Variants in WWC2 observed in about 807,000 individuals in gnomAD.
WWC2 encodes the protein protein WWC2.
A neutral mutation model predicts 138.5 loss-of-function variants in WWC2; 101 were observed. That is an observed-to-expected ratio of 0.73 (90% CI 0.62 to 0.86). WWC2 has a LOEUF of 0.86. Among genes scored for constraint, WWC2 ranks in the 40% least tolerant of loss-of-function variants. The pLI, the probability that WWC2 is intolerant of heterozygous loss-of-function variation, is 0.00. For synonymous variants in WWC2, 558 were observed against 538.4 expected, an observed-to-expected ratio of 1.04 and a Z score of -0.50; for missense variants, 1,420 against 1,419.4, an observed-to-expected ratio of 1.00 and a Z score of -0.01.
At chr4:183,256,727 C>G (rs978991879) in intron 9 of WWC2, among the ~76,000 whole-genome samples, 34 of 152,144 alleles carry the variant, frequency 2.2e-4, no homozygotes, top group Non-Finnish European at 2.6e-4. Flanking sequence ...TCAAAGCTAC[C>G]TGCCGTATTC....
chr4:183,264,315 C>T (rs1737425259), intron 11 of WWC2, among the ~76,000 whole-genome samples: 3 of 152,186 alleles, frequency 2.0e-5, no homozygotes, highest in Admixed American at 2.0e-4. Flanking sequence ...GCTTGCAGCT[C>T]ATTACAGTAC....
At chr4:183,151,947 A>C (rs1338593954) in intron 1 of WWC2, among the ~76,000 whole-genome samples, 1 of 149,836 alleles carries the variant, frequency 6.7e-6, no homozygotes, top group Non-Finnish European at 1.5e-5. Context: ...ACAATTTAAA[A>C]AATTACATTT....
chr4:183,269,571 C>G, intron 15 of WWC2: 1 of 464,746 alleles, frequency 2.2e-6, no homozygotes, highest in Non-Finnish European at 4.5e-6. Context: ...GGATGATTAT[C>G]CACTATTTTC....
At chr4:183,206,231 C>G (rs1355851483) in intron 2 of WWC2, among the ~76,000 whole-genome samples, 1 of 152,110 alleles carries the variant, frequency 6.6e-6, no homozygotes. Flanking sequence ...ATTTTATCTT[C>G]TAGTTACAGT....
chr4:183,249,632 C>G (rs1476497701), intron 7 of WWC2, among the ~76,000 whole-genome samples: 1 of 152,142 alleles, frequency 6.6e-6, no homozygotes, highest in East Asian at 1.9e-4. Flanking sequence ...CTCTGAGATA[C>G]CAGACACATT....
intron 1 of WWC2, among the ~76,000 whole-genome samples, chr4:183,145,331 T>C (rs1417850297): frequency 1.3e-5 from 2 of 151,070 alleles, no homozygotes; most frequent in Non-Finnish European, 2.9e-5. Context: ...TGAAAGTATA[T>C]TTAGAAGGAT....
At position 183,316,926 on chromosome 4, in the gene WWC2, C is replaced by T. The variant is rs1377068003; in HGVS notation, c.*1197C>T. On this transcript the variant is annotated 3_prime_UTR_variant, in exon 23 of 23. Transcript: ENST00000403733. Reference sequence around the variant, plus strand: ...GGATGAACAAGTTTAGAGAGATAAACTGACTAATGTGTCCTCCAGTTTAGA... The same window carrying T: ...GGATGAACAAGTTTAGAGAGATAAATTGACTAATGTGTCCTCCAGTTTAGA... 1.3e-5 allele frequency: 2 copies of T among 152,146 alleles called. No homozygotes were observed. The highest frequency in any genetic ancestry group is 1.3e-4 in the Admixed American group (2 of 15,276). The allele number at this position is 152,146 out of a possible 1,614,324, so 9.4% of individuals were successfully genotyped here. A position where few individuals can be genotyped will look rare whatever the true frequency, so the allele number is the denominator to read the frequency against.
chr4:183,315,702 C>T lies in WWC2; in HGVS notation c.3552C>T (p.Ile1184=), dbSNP rs113695969. The T allele has an allele frequency of 6.2e-6, 10 of 1,613,418 alleles. No homozygotes were observed. The African/African-American group carries it at 6.7e-5, about 11-fold the overall frequency. Residue 1184 remains isoleucine, a synonymous_variant, in exon 23 of 23, where the codon ATC becomes ATT. Coordinates refer to ENST00000403733, the MANE Select transcript of WWC2 (RefSeq NM_024949.6). ...ACTTCACCAGAGCAAAGATAAGCAT[C>T]CCATCCCTGCCAGCTGATGATGTGT... ...IAYFTRAKIS[I]PSLPADDV
intron 4 of WWC2, among the ~76,000 whole-genome samples, chr4:183,216,484 C>T (rs1735761159): frequency 6.6e-6 from 1 of 152,216 alleles, no homozygotes; most frequent in African/African-American, 2.4e-5. Flanking sequence ...ATCCAGCTTA[C>T]TTCTGTTTCT....
chr4:183,291,744 A>G (rs1241037415), intron 21 of WWC2, among the ~76,000 whole-genome samples: 1 of 152,204 alleles, frequency 6.6e-6, no homozygotes, highest in South Asian at 2.1e-4. Flanking sequence ...AGTTTCATCC[A>G]TAAATTGCAT....
intron 21 of WWC2, among the ~76,000 whole-genome samples, chr4:183,306,008 T>C (rs75618028): frequency 0.031 from 4,723 of 152,258 alleles, 244 homozygotes; most frequent in African/African-American, 0.11. Context: ...TGAGGGATAT[T>C]TTGTTATTAT....
At chr4:183,190,204 C>T (rs1734952124) in intron 1 of WWC2, among the ~76,000 whole-genome samples, 1 of 152,072 alleles carries the variant, frequency 6.6e-6, no homozygotes, top group African/African-American at 2.4e-5. Flanking sequence ...TGCAGGGAAC[C>T]AACCAAAAAC....
intron 4 of WWC2, among the ~76,000 whole-genome samples, chr4:183,215,105 A>T (rs1047255694): frequency 1.3e-5 from 2 of 152,210 alleles, no homozygotes; most frequent in Admixed American, 6.5e-5. Context: ...AACCCATTGT[A>T]TACTGTTTTC....
intron 1 of WWC2, among the ~76,000 whole-genome samples, chr4:183,153,979 A>C (rs189828151): frequency 5.3e-5 from 7 of 132,608 alleles, no homozygotes; most frequent in Admixed American, 2.5e-4. Flanking sequence ...CTCTTTTAAC[A>C]GTGAATTGCT....
intron 1 of WWC2, among the ~76,000 whole-genome samples, chr4:183,114,784 G>C (rs890464536): frequency 6.6e-6 from 1 of 151,958 alleles, no homozygotes; most frequent in Admixed American, 6.6e-5. Flanking sequence ...CATCACCCAG[G>C]TAATAAACAT....
chr4:183,153,645 C>CTTT lies in WWC2; in HGVS notation c.132-39939_132-39937dup, dbSNP rs397964355. Among the ~76,000 whole-genome samples the CTTT allele has an allele frequency of 2.2e-3, 284 of 129,040 alleles. 2 individuals are homozygous for CTTT. The highest frequency in any genetic ancestry group is 8.1e-3 in the African/African-American group (272 of 33,634). The allele number at this position is 129,040 out of a possible 152,430, so 84.7% of individuals were successfully genotyped here. On this transcript the variant is annotated intron_variant, in intron 1 of 22. Coordinates refer to ENST00000403733, the MANE Select transcript of WWC2 (RefSeq NM_024949.6). ...TAAACATTATTGCCCTAGAAGTAGT[C>CTTT]TTTTTTTTTTTTTTTTTGGTAAGAC...
At chr4:183,280,928 G>A (rs759328719) in intron 17 of WWC2, 31 bp downstream of exon 17, 1 of 1,539,806 alleles carries the variant, frequency 6.5e-7, no homozygotes, top group South Asian at 1.2e-5. Context: ...GCTGTTGGGA[G>A]CTCAAAGATG....
In WWC2 at chr4:183,282,845, G is replaced by A. The variant is rs202049423; in HGVS notation, c.2822G>A (p.Arg941Lys). Residue 941 changes from arginine (R) to lysine (K), a missense_variant, in exon 18 of 23, where the codon AGG becomes AAG. Transcript: ENST00000403733. ...SVPEMNEDGNRKESNCAKDLR... is the reference protein window; with the variant it reads ...SVPEMNEDGNKKESNCAKDLR... ...CCTGAGATGAATGAAGACGGGAACA[G>A]GAAAGAAAGCAACTGTGCCAAAGAC... 6.3e-7 allele frequency: 1 copy of A among 1,592,598 alleles called. No individual in the cohort carries two copies. Among genetic ancestry groups the A allele is most frequent in the East Asian group, 2.3e-5 (1 of 44,066 alleles).
intron 1 of WWC2, among the ~76,000 whole-genome samples, chr4:183,182,443 C>T (rs940732078): frequency 2.0e-5 from 3 of 152,204 alleles, no homozygotes; most frequent in Admixed American, 2.0e-4. Flanking sequence ...CTCTACCTCT[C>T]TCAAACACTC....
Sources: allele counts gnomAD v4.1 joint callset (sites outside exome capture counted in the v4.1 genomes callset), GRCh38; gene constraint gnomAD v4.1.1; transcripts MANE v1.5; gene names NCBI Gene and HGNC (gene_info 2026-07-23, HGNC 2026-07-21).